GPC5: variants seen among roughly 807,000 people sequenced by gnomAD.
GPC5 encodes glypican-5.
A neutral mutation model predicts 53.9 loss-of-function variants in GPC5; 47 were observed. That is an observed-to-expected ratio of 0.87 (90% confidence interval 0.69 to 1.11). GPC5 has a LOEUF of 1.11. Ranked by LOEUF, GPC5 falls within the 50% of genes most tolerant of loss-of-function variation. The pLI, the probability that GPC5 is intolerant of heterozygous loss-of-function variation, is 0.00. For synonymous variants in GPC5, 286 were observed against 263.3 expected, an observed-to-expected ratio of 1.09 and a Z score of -0.84; for missense variants, 748 against 713.1, an observed-to-expected ratio of 1.05 and a Z score of -0.56.
intron 5 of GPC5, among the ~76,000 whole-genome samples, chr13:91,893,006 G>T (rs543775497): frequency 6.6e-6 from 1 of 152,024 alleles, no homozygotes; most frequent in East Asian, 1.9e-4. Context: ...TTTATAGCCT[G>T]TGAATGTCAA....
At chr13:92,224,009 C>T (rs965001566) in intron 7 of GPC5, among the ~76,000 whole-genome samples, 5 of 151,830 alleles carry the variant, frequency 3.3e-5, no homozygotes, top group Non-Finnish European at 7.4e-5. Context: ...CTAGTATACA[C>T]GCATGTTGAA....
intron 7 of GPC5, among the ~76,000 whole-genome samples, chr13:92,623,933 C>G (rs1884961837): frequency 6.6e-6 from 1 of 152,106 alleles, no homozygotes; most frequent in South Asian, 2.1e-4. Flanking sequence ...CGACTCACTG[C>G]AACCTCTGCC....
At chr13:91,403,188 T>G (rs906019605) in intron 1 of GPC5, among the ~76,000 whole-genome samples, 2 of 152,222 alleles carry the variant, frequency 1.3e-5, no homozygotes, top group Non-Finnish European at 2.9e-5. Context: ...CGTCTGACAT[T>G]GGGGCAGATG....
intron 7 of GPC5, among the ~76,000 whole-genome samples, chr13:92,355,379 T>C (rs977115549): frequency 1.3e-5 from 2 of 152,160 alleles, no homozygotes; most frequent in Admixed American, 1.3e-4. Flanking sequence ...CTAAGGACAC[T>C]GCTCCCCCTG....
intron 3 of GPC5, among the ~76,000 whole-genome samples, chr13:91,711,724 T>A (rs2036230419): frequency 6.6e-6 from 1 of 152,212 alleles, no homozygotes; most frequent in Admixed American, 6.5e-5. Flanking sequence ...GATTTTCTGC[T>A]AAAAACACTT....
chr13:91,649,416 A>C (rs1365164948), intron 2 of GPC5, among the ~76,000 whole-genome samples: 1 of 152,194 alleles, frequency 6.6e-6, no homozygotes, highest in Admixed American at 6.5e-5. Flanking sequence ...GTTTCTTGTG[A>C]ATATACAAGC....
intron 7 of GPC5, among the ~76,000 whole-genome samples, chr13:92,322,371 A>C (rs986212428): frequency 6.6e-6 from 1 of 152,138 alleles, no homozygotes; most frequent in Non-Finnish European, 1.5e-5. Context: ...ATTATATGAG[A>C]CATTTGACCA....
chr13:92,518,538 G>A (rs1880886862), intron 7 of GPC5, among the ~76,000 whole-genome samples: 1 of 152,106 alleles, frequency 6.6e-6, no homozygotes, highest in African/African-American at 2.4e-5. Context: ...AGCTTCATAA[G>A]TGAAGGAGAA....
intron 6 of GPC5, among the ~76,000 whole-genome samples, chr13:92,108,608 C>T (rs2041528284): frequency 6.6e-6 from 1 of 152,174 alleles, no homozygotes; most frequent in Admixed American, 6.6e-5. Context: ...TAATTTCTAG[C>T]ATTCAACTAA....
chr13:92,802,080 A>G (rs930212691), intron 7 of GPC5, among the ~76,000 whole-genome samples: 12 of 151,500 alleles, frequency 7.9e-5, no homozygotes, highest in Non-Finnish European at 7.4e-5. Flanking sequence ...ATTCACCCAG[A>G]GCAATTACCA....
At chr13:92,015,185 A>T (rs2040696149) in intron 6 of GPC5, among the ~76,000 whole-genome samples, 1 of 152,166 alleles carries the variant, frequency 6.6e-6, no homozygotes, top group Non-Finnish European at 1.5e-5. Flanking sequence ...GAGGCCAAGG[A>T]TATGTTAAAT....
At chr13:92,548,443 A>G (rs1032258086) in intron 7 of GPC5, among the ~76,000 whole-genome samples, 1 of 151,458 alleles carries the variant, frequency 6.6e-6, no homozygotes, top group Non-Finnish European at 1.5e-5. Flanking sequence ...TATAAAATAT[A>G]TTTAAGTTAT....
chr13:91,624,006 G>C (rs1313494026), intron 2 of GPC5, among the ~76,000 whole-genome samples: 1 of 152,100 alleles, frequency 6.6e-6, no homozygotes, highest in Non-Finnish European at 1.5e-5. Flanking sequence ...TGAAAAAGTA[G>C]AGTGGAATTT....
At chr13:92,484,543 A>G (rs1242112250) in intron 7 of GPC5, 1 of 152,118 alleles carries the variant, frequency 6.6e-6, no homozygotes, top group Non-Finnish European at 1.5e-5. Context: ...TGAGTAATGC[A>G]TTGTGCTCTG....
At chr13:92,361,511 G>A (rs147703212) in intron 7 of GPC5, among the ~76,000 whole-genome samples, 1 of 151,808 alleles carries the variant, frequency 6.6e-6, no homozygotes, top group East Asian at 1.9e-4. Flanking sequence ...GCTTATGAGA[G>A]AGCATGAGTT....
intron 7 of GPC5, among the ~76,000 whole-genome samples, chr13:92,204,877 T>C (rs1476983725): frequency 6.6e-6 from 1 of 152,112 alleles, no homozygotes; most frequent in African/African-American, 2.4e-5. Flanking sequence ...TTTTGGTTTT[T>C]GTTTGTTGTT....
intron 6 of GPC5, among the ~76,000 whole-genome samples, chr13:92,108,373 A>G (rs1278757186): frequency 1.3e-5 from 2 of 152,210 alleles, no homozygotes; most frequent in East Asian, 1.9e-4. Context: ...CAAGTAATGC[A>G]TTATTATCTT....
At chr13:91,707,145 C>A (rs938356014) in intron 3 of GPC5, among the ~76,000 whole-genome samples, 2 of 151,962 alleles carry the variant, frequency 1.3e-5, no homozygotes, top group Non-Finnish European at 2.9e-5. Flanking sequence ...GACACTCTTA[C>A]AACTCATCAA....
chr13:91,807,864 T>C (rs1176006054), intron 5 of GPC5, among the ~76,000 whole-genome samples: 1 of 152,190 alleles, frequency 6.6e-6, no homozygotes, highest in African/African-American at 2.4e-5. Context: ...ATCTTGGAGA[T>C]GCTACATTGT....
Sources: allele counts gnomAD v4.1 joint callset (sites outside exome capture counted in the v4.1 genomes callset), GRCh38; gene constraint gnomAD v4.1.1; transcripts MANE v1.5; gene names NCBI Gene and HGNC (gene_info 2026-07-23, HGNC 2026-07-21).